The following TUBGCP3 variants were observed in gnomAD, a reference collection of about 807,000 sequenced individuals.
The protein encoded by TUBGCP3 is tubulin gamma complex component 3.
A neutral mutation model predicts 123.1 loss-of-function variants in TUBGCP3; 50 were observed. The ratio of observed to expected loss-of-function variants is 0.41; its 90% CI spans 0.32 to 0.51. The LOEUF (loss-of-function observed/expected upper bound fraction) is 0.51, where lower values mean the gene tolerates loss of function less well. TUBGCP3 is among the 20% of genes least tolerant of loss of function. The probability of loss-of-function intolerance (pLI) is 0.36; values close to 1 mark genes in which losing one functional copy is unlikely to be tolerated. For synonymous variants in TUBGCP3, 405 were observed against 413.9 expected (o/e 0.98, Z 0.26); for missense variants, 882 against 1,127.0 (o/e 0.78, Z 3.11).
chr13:112,597,263 T>C, the TUBGCP3 span, among the ~76,000 whole-genome samples: 3 of 152,236 alleles, frequency 2.0e-5, 1 homozygote, highest in South Asian at 6.2e-4. Context: ...GTAAATAGAT[T>C]GTCCTCTTTA....
intron 11 of TUBGCP3, among the ~76,000 whole-genome samples, chr13:112,535,641 T>C (rs1877983021): frequency 6.6e-6 from 1 of 152,200 alleles, no homozygotes; most frequent in Admixed American, 6.5e-5. Flanking sequence ...TCTTGTTGAG[T>C]TGTGATAGTT....
chr13:112,544,012 G>A (rs946951536), intron 11 of TUBGCP3, among the ~76,000 whole-genome samples: 3 of 152,178 alleles, frequency 2.0e-5, no homozygotes, highest in South Asian at 2.1e-4. Flanking sequence ...GGCACATTTC[G>A]TGCATTAGGT....
intron 11 of TUBGCP3, among the ~76,000 whole-genome samples, chr13:112,538,688 AAG>A (rs2139138013): frequency 6.6e-6 from 1 of 152,354 alleles, no homozygotes; most frequent in Non-Finnish European, 1.5e-5. Flanking sequence ...TTATTATAAA[AAG>A]AAGCATTTTC....
chr13:112,573,163 C>CA (rs1266437638), intron 1 of TUBGCP3, among the ~76,000 whole-genome samples: 2 of 150,526 alleles, frequency 1.3e-5, no homozygotes, highest in Non-Finnish European at 3.0e-5. Context: ...GCAAGATGTA[C>CA]AAAAACAAGC....
At chr13:112,604,283 A>T in the TUBGCP3 span, 1 of 152,256 alleles carries the variant, frequency 6.6e-6, no homozygotes, top group South Asian at 2.1e-4. Context: ...CTATCTTCAA[A>T]TATTCACCAA....
At position 112,508,039 on chromosome 13, in the gene TUBGCP3, A is replaced by T. The variant is rs889736461; in HGVS notation, c.2087-3325T>A. 6.6e-6 allele frequency among the ~76,000 whole-genome samples: 1 copy of T among 152,154 alleles called. No individual in the cohort carries two copies. Among genetic ancestry groups the T allele is most frequent in the African/African-American group, 2.4e-5 (1 of 41,446 alleles). ...CTCAGTGTCAGCCTAAACTCCTGAC[A>T]TCCCACTCCAGCCCATCCCAGTGCT... On this transcript the variant is annotated intron_variant, in intron 17 of 21. Coordinates refer to ENST00000261965, the MANE Select transcript of TUBGCP3 (RefSeq NM_006322.6). This position sits in a 1 kb window ranked among gnomAD's most constrained non-coding sequence, Gnocchi z 4.2.
chr13:112,542,126 ACAAAT>A (rs1307711478), intron 11 of TUBGCP3, among the ~76,000 whole-genome samples: 1 of 152,252 alleles, frequency 6.6e-6, no homozygotes, highest in African/African-American at 2.4e-5. Context: ...CTGAGAGTAA[ACAAAT>A]CATAGTAATA....
At chr13:112,587,529 G>A (rs371862989) in intron 1 of TUBGCP3, among the ~76,000 whole-genome samples, 1 of 152,242 alleles carries the variant, frequency 6.6e-6, no homozygotes. Context: ...ACCAGAGAAG[G>A]GGGATAAATT....
intron 1 of TUBGCP3, among the ~76,000 whole-genome samples, chr13:112,571,362 G>A (rs1881373335): frequency 6.6e-6 from 1 of 152,202 alleles, no homozygotes; most frequent in Admixed American, 6.5e-5. Context: ...AACTCCAGGT[G>A]CATTCTCAAC....
chr13:112,519,760 G>C lies in TUBGCP3; in HGVS notation c.1881+126C>G. ...ACAGAGTGGAGTTCCTACTCAGGCT[G>C]CCCAGTTTCCAGAAAGATAACGGCT... On this transcript the variant is annotated intron_variant, in intron 15 of 21. Transcript: ENST00000261965. This position sits in a 1 kb window ranked among gnomAD's most constrained non-coding sequence, Gnocchi z 6.2. 2.4e-6 allele frequency: 3 copies of C among 1,274,850 alleles called. No individual in the cohort carries two copies. In the East Asian group the frequency reaches 7.9e-5, roughly 34 times the overall value. 79.0% of individuals were successfully genotyped at this position (1,274,850 alleles called of 1,614,324 possible).
intron 9 of TUBGCP3, 50 bp downstream of exon 9, chr13:112,548,058 T>G: frequency 7.2e-7 from 1 of 1,388,134 alleles, no homozygotes; most frequent in Non-Finnish European, 9.8e-7. Context: ...AGCTTCAATT[T>G]TGTAACACTT....
intron 3 of TUBGCP3, among the ~76,000 whole-genome samples, chr13:112,563,887 A>AC (rs1566582037): frequency 7.4e-5 from 11 of 148,502 alleles, no homozygotes; most frequent in East Asian, 2.0e-4. Context: ...AAAAAAAAAA[A>AC]AGTGTCTAAA....
intron 10 of TUBGCP3, chr13:112,546,396 G>T (rs1213515912): frequency 1.3e-5 from 2 of 154,756 alleles, no homozygotes; most frequent in African/African-American, 4.8e-5. Flanking sequence ...GAGGCCCCCC[G>T]GGCCTTGGCC....
At chr13:112,599,013 G>C in the TUBGCP3 span, among the ~76,000 whole-genome samples, 1 of 135,474 alleles carries the variant, frequency 7.4e-6, no homozygotes, top group Non-Finnish European at 1.6e-5. Flanking sequence ...AAAAAAGAAA[G>C]AAAAATGAAC....
chr13:112,569,176 C>A lies in TUBGCP3; in HGVS notation c.160G>T (p.Val54Leu). Reference sequence around the variant, plus strand: ...CGCTCTTTCTTGATTTTTTCAGCTACTAAAAATTCATCTCTTTCAACAGTT... The same window carrying A: ...CGCTCTTTCTTGATTTTTTCAGCTAATAAAAATTCATCTCTTTCAACAGTT... ...APTVERDEFLVAEKIKKELIR... is the reference protein window; with the variant it reads ...APTVERDEFLLAEKIKKELIR... Residue 54 changes from valine to leucine, a missense_variant, in exon 2 of 22, where the codon GTA becomes TTA. Coordinates refer to ENST00000261965, the MANE Select transcript of TUBGCP3 (RefSeq NM_006322.6). The A allele has an allele frequency of 6.2e-7, 1 of 1,614,080 alleles. No individual in the cohort carries two copies. The highest frequency in any genetic ancestry group is 8.5e-7 in the Non-Finnish European group (1 of 1,180,036).
At chr13:112,535,249 T>C (rs1242534609) in intron 11 of TUBGCP3, among the ~76,000 whole-genome samples, 1 of 152,266 alleles carries the variant, frequency 6.6e-6, no homozygotes, top group Non-Finnish European at 1.5e-5. Context: ...CTGCTATGAA[T>C]GTTCATAGAC....
At chr13:112,589,628 C>A (rs140121787), upstream of TUBGCP3, among the ~76,000 whole-genome samples, 12 of 152,296 alleles carry the variant, frequency 7.9e-5, no homozygotes, top group East Asian at 2.3e-3. Flanking sequence ...GGATTTTTAA[C>A]CTTTTCTAGT....
At chr13:112,579,522 G>A (rs9550152) in intron 1 of TUBGCP3, among the ~76,000 whole-genome samples, 42,803 of 149,196 alleles carry the variant, frequency 0.29, 6,553 homozygotes, top group African/African-American at 0.39. Flanking sequence ...AGGGGGCCAC[G>A]GCATCCCTGG....
chr13:112,536,642 T>C (rs1878078405), intron 11 of TUBGCP3, among the ~76,000 whole-genome samples: 1 of 152,242 alleles, frequency 6.6e-6, no homozygotes, highest in African/African-American at 2.4e-5. Flanking sequence ...ATTGAGCTTG[T>C]ATCCTGCCAA....
Sources: allele counts gnomAD v4.1 joint callset (sites outside exome capture counted in the v4.1 genomes callset), GRCh38; gene constraint gnomAD v4.1.1; non-coding constraint Gnocchi (gnomAD v3.1); transcripts MANE v1.5; gene names NCBI Gene and HGNC (gene_info 2026-07-23, HGNC 2026-07-21).